Variants in PDE6A observed in about 807,000 individuals in gnomAD.
PDE6A encodes the protein phosphodiesterase 6A.
A neutral mutation model predicts 106.3 loss-of-function variants in PDE6A; 84 were observed. That is an observed-to-expected ratio of 0.79 (90% confidence interval 0.66 to 0.95). The LOEUF is 0.95. Ranked by LOEUF, PDE6A falls within the 40% of genes least tolerant of loss-of-function variation. PDE6A has a pLI of 0.00. For synonymous variants in PDE6A, 394 were observed against 386.6 expected, an observed-to-expected ratio of 1.02 and a Z score of -0.23; for missense variants, 1,052 against 1,084.9, an observed-to-expected ratio of 0.97 and a Z score of 0.43.
At chr5:149,914,809 T>C (rs1561760856) in intron 6 of PDE6A, 134 bp downstream of exon 6, 12 of 734,112 alleles carry the variant, frequency 1.6e-5, no homozygotes, top group Non-Finnish European at 2.5e-5. Context: ...TCTCTGTCTA[T>C]AAAGTCAACC....
intron 13 of PDE6A, among the ~76,000 whole-genome samples, chr5:149,892,182 G>A (rs570851869): frequency 4.0e-5 from 6 of 151,746 alleles, no homozygotes; most frequent in Non-Finnish European, 8.8e-5. Flanking sequence ...CAGGCATGGT[G>A]GTACTTGTCT....
intron 7 of PDE6A, among the ~76,000 whole-genome samples, chr5:149,904,582 C>T (rs1753113150): frequency 1.3e-5 from 2 of 152,138 alleles, no homozygotes; most frequent in African/African-American, 4.8e-5. Context: ...CTTTAGTCAT[C>T]CTTGAGAAAC....
intron 9 of PDE6A, 35 bp downstream of exon 9, chr5:149,899,340 A>T: frequency 6.2e-7 from 1 of 1,612,760 alleles, no homozygotes; most frequent in South Asian, 1.1e-5. Context: ...CTGACTCTGA[A>T]TCCCAACAGC....
chr5:149,920,901 G>T (rs1753683243), intron 5 of PDE6A, among the ~76,000 whole-genome samples: 1 of 144,756 alleles, frequency 6.9e-6, no homozygotes, highest in Admixed American at 7.1e-5. Context: ...GAGAGAGAGA[G>T]AGAGAAGAAA....
At position 149,863,353 on chromosome 5, in the gene PDE6A, A is replaced by G; in HGVS notation, c.2359-87T>C. The G allele has an allele frequency of 1.5e-6, 2 of 1,372,438 alleles. No individual in the cohort carries two copies. The highest frequency in any genetic ancestry group is 2.1e-6 in the Non-Finnish European group (2 of 968,860). The allele number at this position is 1,372,438 out of a possible 1,614,324, so 85.0% of individuals were successfully genotyped here. On this transcript the variant is annotated intron_variant, in intron 20 of 21. Coordinates refer to ENST00000255266, the MANE Select transcript of PDE6A (RefSeq NM_000440.3). This position sits in a 1 kb window ranked among gnomAD's most constrained non-coding sequence, Gnocchi z 4.7. ...GGTGGCACAGCTGGAAACGTCCAAC[A>G]CTGGAATGAGCTGCTTCGGAGTAGC...
At position 149,933,955 on chromosome 5, in the gene PDE6A, T is replaced by C. The variant is rs1267563461; in HGVS notation, c.692A>G (p.His231Arg). Reference protein sequence around the residue: ...IMKVYHLSYLHNCETRRGQIL... With the variant: ...IMKVYHLSYLRNCETRRGQIL... ...CTGGCCACGTCGAGTTTCACAGTTG[T>C]GCAGGTAACTCAGGTGGTACACCTT... Residue 231 changes from histidine to arginine, a missense_variant, in exon 3 of 22, where the codon CAC (histidine) becomes CGC (arginine). Physicochemically the swap from His to Arg is conservative, Grantham distance 29. Around this residue, in one of 3 missense-constraint regions of PDE6A, gnomAD observed 913 missense variants for 915.2 expected, o/e 1.00. Transcript: ENST00000255266. 6.2e-7 allele frequency: 1 copy of C among 1,613,694 alleles called. No individual in the cohort carries two copies. Among genetic ancestry groups the C allele is most frequent in the Non-Finnish European group, 8.5e-7 (1 of 1,179,722 alleles).
In PDE6A at chr5:149,906,972, A is replaced by G. The variant is rs967477532; in HGVS notation, c.1065+340T>C. Among the ~76,000 whole-genome samples the G allele has an allele frequency of 1.4e-4, 21 of 152,098 alleles. No homozygotes were observed. In the South Asian group the frequency reaches 1.7e-3, roughly 12 times the overall value. On this transcript the variant is annotated intron_variant, in intron 7 of 21. Transcript: ENST00000255266. The stretch of plus-strand genomic sequence containing the variant: ...TTTTTAGTAGAGATGGAGTTCTGCC[A>G]TGTTGGCCAGGCTGGTCTCCAGCTC...
At chr5:149,888,961 T>C (rs1359996367) in intron 13 of PDE6A, among the ~76,000 whole-genome samples, 1 of 151,496 alleles carries the variant, frequency 6.6e-6, no homozygotes, top group Non-Finnish European at 1.5e-5. Context: ...CGGGCGCCTG[T>C]AGTCCCAGCT....
chr5:149,899,706 G>A (rs1752896952), intron 8 of PDE6A, among the ~76,000 whole-genome samples, 182 bp from the exon 9 acceptor site: 2 of 152,148 alleles, frequency 1.3e-5, no homozygotes, highest in African/African-American at 4.8e-5. Flanking sequence ...CATCTGGTCG[G>A]AATTCCTTAA....
chr5:149,912,437 G>T (rs1581194726), intron 6 of PDE6A, among the ~76,000 whole-genome samples: 1 of 152,286 alleles, frequency 6.6e-6, no homozygotes, highest in Non-Finnish European at 1.5e-5. Context: ...TGGGCACAAG[G>T]TCAGACTGCG....
chr5:149,935,121 A>G (rs1754145416), intron 1 of PDE6A, among the ~76,000 whole-genome samples: 2 of 152,342 alleles, frequency 1.3e-5, no homozygotes, highest in South Asian at 2.1e-4. Context: ...GGCAGCGTGC[A>G]TGGCATTTTA....
intron 1 of PDE6A, among the ~76,000 whole-genome samples, chr5:149,938,590 G>A (rs1335589530): frequency 4.6e-5 from 7 of 152,216 alleles, no homozygotes; most frequent in Admixed American, 4.6e-4. Context: ...AGGAGAAAGG[G>A]CAAAGGAATG....
chr5:149,910,253 T>C (rs1173904977), intron 6 of PDE6A, among the ~76,000 whole-genome samples: 1 of 152,226 alleles, frequency 6.6e-6, no homozygotes, highest in Non-Finnish European at 1.5e-5. Flanking sequence ...AGCATTTGCA[T>C]GGTATGTCTT....
intron 8 of PDE6A, among the ~76,000 whole-genome samples, chr5:149,900,592 G>A (rs928605595): frequency 1.2e-4 from 18 of 151,646 alleles, no homozygotes; most frequent in Non-Finnish European, 1.9e-4. Flanking sequence ...AGTCAAGGAA[G>A]GCTTCCTGGA....
intron 6 of PDE6A, among the ~76,000 whole-genome samples, chr5:149,911,742 T>G (rs1753394086): frequency 6.7e-6 from 1 of 148,926 alleles, no homozygotes; most frequent in Non-Finnish European, 1.5e-5. Flanking sequence ...CTTATGCCTA[T>G]AATCTGAGCA....
At chr5:149,894,984 A>G (rs2113581462) in intron 13 of PDE6A, among the ~76,000 whole-genome samples, 199 bp downstream of exon 13, 1 of 152,268 alleles carries the variant, frequency 6.6e-6, no homozygotes, top group Non-Finnish European at 1.5e-5. Flanking sequence ...GGTAGCTTGC[A>G]GCTTTCTTTC....
intron 6 of PDE6A, among the ~76,000 whole-genome samples, chr5:149,907,698 G>T (rs938665790): frequency 1.8e-4 from 28 of 152,166 alleles, no homozygotes; most frequent in African/African-American, 5.8e-4. Context: ...AAAGTTAGAA[G>T]CTACTAATAC....
At chr5:149,896,287 G>A in intron 12 of PDE6A, 69 bp downstream of exon 12, 1 of 1,304,594 alleles carries the variant, frequency 7.7e-7, no homozygotes, top group African/African-American at 1.5e-5. Context: ...TACAGATTGA[G>A]TCTTTTTTTT....
At chr5:149,888,459 T>G (rs1752401293) in intron 13 of PDE6A, among the ~76,000 whole-genome samples, 1 of 148,388 alleles carries the variant, frequency 6.7e-6, no homozygotes, top group African/African-American at 2.4e-5. Context: ...TTATTTAGAA[T>G]TCTTAACACA....
Sources: allele counts gnomAD v4.1 joint callset (sites outside exome capture counted in the v4.1 genomes callset), GRCh38; gene constraint gnomAD v4.1.1; regional missense constraint gnomAD v4.1.1; non-coding constraint Gnocchi (gnomAD v3.1); transcripts MANE v1.5; gene names NCBI Gene and HGNC (gene_info 2026-07-23, HGNC 2026-07-21).